The following DLGAP2 variants were observed in gnomAD, a reference collection of about 807,000 sequenced individuals.
The protein encoded by DLGAP2 is disks large-associated protein 2.
Under a neutral mutation model 100.3 loss-of-function variants are expected in DLGAP2, and 26 were observed. The ratio of observed to expected loss-of-function variants is 0.26; its 90% confidence interval spans 0.19 to 0.36. The LOEUF (loss-of-function observed/expected upper bound fraction) is 0.36, where lower values mean the gene tolerates loss of function less well. DLGAP2 is among the 10% of genes least tolerant of loss of function. DLGAP2 has a pLI of 1.00. For synonymous variants in DLGAP2, 886 were observed against 630.1 expected, an observed-to-expected ratio of 1.41 and a Z score of -6.08; for missense variants, 1,858 against 1,453.2, an observed-to-expected ratio of 1.28 and a Z score of -4.53.
intron 2 of DLGAP2, among the ~76,000 whole-genome samples, chr8:1,072,052 G>T (rs560360432): frequency 1.3e-5 from 2 of 152,232 alleles, no homozygotes; most frequent in African/African-American, 4.8e-5. Context: ...ACTCGGATCA[G>T]GGAGTGGATG....
intron 2 of DLGAP2, among the ~76,000 whole-genome samples, chr8:1,094,705 A>G (rs1342845858): frequency 6.6e-6 from 1 of 152,222 alleles, no homozygotes; most frequent in Non-Finnish European, 1.5e-5. Flanking sequence ...CAGCGGGCAC[A>G]AGAGTGGCTG....
chr8:1,068,909 C>A (rs1803341287), intron 2 of DLGAP2, among the ~76,000 whole-genome samples: 1 of 152,114 alleles, frequency 6.6e-6, no homozygotes, highest in Non-Finnish European at 1.5e-5. Flanking sequence ...AATCTGTGAA[C>A]CTGGGCAGCC....
Position 1,417,307 on chromosome 8 carries a change from C to T in DLGAP2, c.107-84059C>T, listed in dbSNP as rs1044324591. On this transcript the variant is annotated intron_variant, in intron 3 of 14. Coordinates refer to ENST00000637795, the MANE Select transcript of DLGAP2 (RefSeq NM_001346810.2). ...GAGACCGGCGTTCATTTAGCGTCTG[C>T]GGGGTGCCCAGGTTCGACAGCATCT... Among the ~76,000 whole-genome samples, 7 of 151,700 alleles carry T rather than the reference C, an allele frequency of 4.6e-5. No individual in the cohort carries two copies. In the East Asian group the frequency reaches 7.7e-4, roughly 17 times the overall value.
At chr8:887,727 T>G (rs1166423926) in intron 1 of DLGAP2, among the ~76,000 whole-genome samples, 1 of 152,142 alleles carries the variant, frequency 6.6e-6, no homozygotes, top group Non-Finnish European at 1.5e-5. Flanking sequence ...GTGTAGGGTT[T>G]CTGCTGGAGG....
At chr8:1,362,950 A>C (rs1802019588) in intron 3 of DLGAP2, among the ~76,000 whole-genome samples, 1 of 151,950 alleles carries the variant, frequency 6.6e-6, no homozygotes, top group Non-Finnish European at 1.5e-5. Context: ...TCGGGGCAGC[A>C]CCCTCAGGGG....
intron 2 of DLGAP2, among the ~76,000 whole-genome samples, chr8:948,092 G>A (rs775816600): frequency 6.6e-5 from 10 of 151,800 alleles, no homozygotes; most frequent in Non-Finnish European, 1.3e-4. Context: ...ATGCCAGCCC[G>A]CGTGCGCCAT....
chr8:1,428,089 C>A (rs1797288179), intron 3 of DLGAP2, among the ~76,000 whole-genome samples: 1 of 151,364 alleles, frequency 6.6e-6, no homozygotes, highest in Admixed American at 6.6e-5. Context: ...AGAAAAAGAA[C>A]AGAGTACGCT....
intron 4 of DLGAP2, among the ~76,000 whole-genome samples, chr8:1,520,584 A>G (rs930107611): frequency 6.6e-6 from 1 of 151,928 alleles, no homozygotes; most frequent in Non-Finnish European, 1.5e-5. Flanking sequence ...TGCTCCCCCT[A>G]TTCATCCCTC....
intron 4 of DLGAP2, among the ~76,000 whole-genome samples, chr8:1,535,927 C>G (rs533327647): frequency 6.6e-5 from 10 of 152,340 alleles, no homozygotes; most frequent in Admixed American, 5.2e-4. Flanking sequence ...ACAAGCACCA[C>G]AAGCACTGCT....
chr8:1,179,288 G>A (rs188563938), intron 2 of DLGAP2, among the ~76,000 whole-genome samples: 23 of 152,372 alleles, frequency 1.5e-4, no homozygotes, highest in Middle Eastern at 6.8e-3. Context: ...TGAGCACTCA[G>A]CTCTCTCATT....
intron 8 of DLGAP2, among the ~76,000 whole-genome samples, chr8:1,655,077 C>G (rs1798253582): frequency 1.3e-5 from 2 of 152,218 alleles, no homozygotes; most frequent in South Asian, 2.1e-4. Flanking sequence ...TAATTTCTTG[C>G]TAATTAACAC....
chr8:916,913 G>T lies in DLGAP2; in HGVS notation c.73+8947G>T, dbSNP rs553062980. 5.1e-4 allele frequency among the ~76,000 whole-genome samples: 77 copies of T among 152,320 alleles called. 2 individuals carry two copies. The South Asian group carries it at 0.015, about 30-fold the overall frequency. The stretch of plus-strand genomic sequence containing the variant: ...AGATGATCCTGGCACTGATGCCCGG[G>T]AGGGCACACCCAGGGCTCAGCCTCT... On this transcript the variant is annotated intron_variant, in intron 2 of 14. Transcript: ENST00000637795.
chr8:837,865 C>T (rs1427182941), intron 1 of DLGAP2, among the ~76,000 whole-genome samples: 1 of 149,432 alleles, frequency 6.7e-6, no homozygotes, highest in African/African-American at 2.4e-5. Context: ...TACAGGCATG[C>T]ATCACCACGC....
At chr8:916,968 T>C (rs2129000658) in intron 2 of DLGAP2, among the ~76,000 whole-genome samples, 1 of 152,266 alleles carries the variant, frequency 6.6e-6, no homozygotes, top group South Asian at 2.1e-4. Flanking sequence ...ATAGCCTTCC[T>C]CAGGACTGGA....
intron 2 of DLGAP2, among the ~76,000 whole-genome samples, chr8:1,192,112 C>T (rs17065762): frequency 0.052 from 7,839 of 152,124 alleles, 529 homozygotes; most frequent in African/African-American, 0.16. Flanking sequence ...TTCTAGATGG[C>T]TTTCTCCTCT....
intron 3 of DLGAP2, among the ~76,000 whole-genome samples, chr8:1,260,924 C>T (rs1799334504): frequency 6.6e-6 from 1 of 152,194 alleles, no homozygotes; most frequent in Non-Finnish European, 1.5e-5. Flanking sequence ...AGTGCGTGGT[C>T]CTGGACAATC....
chr8:1,505,331 A>C (rs186359470), intron 4 of DLGAP2, among the ~76,000 whole-genome samples: 1 of 152,368 alleles, frequency 6.6e-6, no homozygotes, highest in East Asian at 1.9e-4. Flanking sequence ...TATAGGTTAA[A>C]GTCATAAAGC....
intron 3 of DLGAP2, among the ~76,000 whole-genome samples, chr8:1,270,676 CTCTCTATTTATG>C (rs1469770741): frequency 6.7e-6 from 1 of 149,402 alleles, no homozygotes; most frequent in East Asian, 2.0e-4. Context: ...CTGTGTGTGT[CTCTCTATTTATG>C]TCTCTGTGTG....
chr8:1,681,745 C>T (rs1224194767), intron 12 of DLGAP2, among the ~76,000 whole-genome samples: 1 of 152,260 alleles, frequency 6.6e-6, no homozygotes, highest in Admixed American at 6.5e-5. Flanking sequence ...TAATGCTCAT[C>T]CCAATGGACT....
Sources: allele counts gnomAD v4.1 joint callset (sites outside exome capture counted in the v4.1 genomes callset), GRCh38; gene constraint gnomAD v4.1.1; transcripts MANE v1.5; gene names NCBI Gene and HGNC (gene_info 2026-07-23, HGNC 2026-07-21).